The following SPG7 variants were observed in gnomAD, a reference collection of about 807,000 sequenced individuals.
SPG7 encodes the protein mitochondrial inner membrane m-AAA protease component paraplegin.
In SPG7, 103 loss-of-function variants were observed where a neutral mutation model predicts 81.9. That is an observed-to-expected ratio of 1.26 (90% CI 1.07 to 1.48). The LOEUF (loss-of-function observed/expected upper bound fraction) is 1.48, where lower values mean the gene tolerates loss of function less well. Ranked by LOEUF, SPG7 falls within the 40% of genes most tolerant of loss-of-function variation. SPG7 has a pLI of 0.00. For synonymous variants in SPG7, 534 were observed against 444.2 expected (o/e 1.20, Z -2.54); for missense variants, 1,241 against 1,087.3 (o/e 1.14, Z -1.99).
chr16:89,526,341 A>G lies in SPG7; in HGVS notation c.631A>G (p.Met211Val), dbSNP rs1378526561. The G allele has an allele frequency of 6.2e-7, 1 of 1,613,948 alleles. No individual in the cohort carries two copies. The highest frequency in any genetic ancestry group is 8.5e-7 in the Non-Finnish European group (1 of 1,180,010). Residue 211 changes from methionine to valine, a missense_variant, in exon 5 of 17, where the codon ATG (methionine) becomes GTG (valine). Transcript: ENST00000645818. ...VVFGRPRLAL[M>V]YRMQVANIDK... The stretch of plus-strand genomic sequence containing the variant: ...TTCTGCCCCCCAGCGGCTAGCCTTG[A>G]TGTACCGAATGCAGGTTGCAAATAT...
Position 89,524,088 on chromosome 16 carries a change from C to T in SPG7, c.459C>T (p.Ser153=). ...RTLLVIAVVM[S]LLNALSTSGG... is the part of the protein sequence containing the mutation. ...TGCTGGTCATCGCGGTTGTCATGAG[C>T]CTCCTGAATGCTCTCAGCACCAGCG... Residue 153 remains serine, a synonymous_variant, in exon 4 of 17, where the codon AGC becomes AGT. Coordinates refer to ENST00000645818, the MANE Select transcript of SPG7 (RefSeq NM_003119.4). 2 of 1,614,006 alleles carry T rather than the reference C, an allele frequency of 1.2e-6. No homozygotes were observed. The highest frequency in any genetic ancestry group is 1.7e-6 in the Non-Finnish European group (2 of 1,180,026).
At chr16:89,511,128 G>A (rs1027816714) in intron 2 of SPG7, among the ~76,000 whole-genome samples, 11 of 152,148 alleles carry the variant, frequency 7.2e-5, no homozygotes, top group Non-Finnish European at 8.8e-5. Flanking sequence ...ATGAGCCACC[G>A]CATCTGGCCA....
chr16:89,526,261 C>G, intron 4 of SPG7, 68 bp from the exon 5 acceptor site: 1 of 1,593,682 alleles, frequency 6.3e-7, no homozygotes, highest in Non-Finnish European at 8.6e-7. Flanking sequence ...GGCGGGCTCT[C>G]TGTTGACTGT....
chr16:89,514,925 T>C (rs1042650533), intron 3 of SPG7, among the ~76,000 whole-genome samples: 1 of 147,552 alleles, frequency 6.8e-6, no homozygotes, highest in Admixed American at 6.9e-5. Flanking sequence ...CCACCGTGCC[T>C]GGCCTTGACC....
chr16:89,545,449 C>T (rs868376105), intron 10 of SPG7: 4 of 185,522 alleles, frequency 2.2e-5, no homozygotes, highest in Admixed American at 5.5e-5. Context: ...GGCTCTCAGC[C>T]GGTGCTCAGT....
At chr16:89,544,624 C>G in intron 9 of SPG7, 24 bp from the exon 10 acceptor site, 2 of 1,613,696 alleles carry the variant, frequency 1.2e-6, no homozygotes, top group Non-Finnish European at 1.7e-6. Flanking sequence ...ACCCTCAGAG[C>G]CACTGTCTGC....
intron 3 of SPG7, chr16:89,519,885 G>A (rs1174894825): frequency 3.3e-5 from 5 of 152,236 alleles, no homozygotes; most frequent in Admixed American, 3.3e-4. Flanking sequence ...TTGAGACTCA[G>A]TGGTATCAGC....
At chr16:89,536,094 G>C (rs371752917) in intron 9 of SPG7, among the ~76,000 whole-genome samples, 1 of 138,768 alleles carries the variant, frequency 7.2e-6, no homozygotes, top group Non-Finnish European at 1.5e-5. Flanking sequence ...GTGGCCTTCA[G>C]TGTGGCCGCT....
intron 12 of SPG7, chr16:89,549,485 C>G (rs547345015): frequency 7.8e-5 from 27 of 344,706 alleles, no homozygotes; most frequent in Non-Finnish European, 1.2e-4. Flanking sequence ...ACAGCAAGAC[C>G]CCATCTCTTA....
chr16:89,526,556 T>C (rs2058262874), intron 5 of SPG7, 88 bp downstream of exon 5: 1 of 1,480,342 alleles, frequency 6.8e-7, no homozygotes, highest in East Asian at 2.3e-5. Flanking sequence ...AATCTCAAAC[T>C]GTCTTTGCCT....
chr16:89,547,212 C>G (rs1034930391), intron 11 of SPG7: 1 of 208,688 alleles, frequency 4.8e-6, no homozygotes, highest in Non-Finnish European at 9.9e-6. Flanking sequence ...GTCAACAAAC[C>G]TCCCTTTTAT....
At chr16:89,544,802 T>C in intron 10 of SPG7, 30 bp downstream of exon 10, 1 of 1,613,116 alleles carries the variant, frequency 6.2e-7, no homozygotes, top group South Asian at 1.1e-5. Context: ...CCTCTCCCAC[T>C]CCACCTGGGC....
chr16:89,554,787 C>G, intron 16 of SPG7: 1 of 552,214 alleles, frequency 1.8e-6, no homozygotes, highest in South Asian at 2.1e-5. Flanking sequence ...CTGCCACAGT[C>G]TCCTGTGCCT....
Position 89,508,738 on chromosome 16 carries a change from G to A in SPG7, c.183+138G>A, listed in dbSNP as rs1464056934. ...CTGTGGGCCCGCGGATCCCCCAGCT[G>A]TGGACCTCGGCGCGGAGCGACTGTT... On this transcript the variant is annotated intron_variant, in intron 1 of 16. Transcript: ENST00000645818. The A allele has an allele frequency of 5.2e-6, 5 of 955,832 alleles. No individual in the cohort carries two copies. The East Asian group carries it at 7.9e-5, about 15-fold the overall frequency. 59.2% of individuals were successfully genotyped at this position (955,832 alleles called of 1,614,324 possible).
At chr16:89,547,093 C>T (rs1241794854) in intron 11 of SPG7, 18 of 348,688 alleles carry the variant, frequency 5.2e-5, no homozygotes, top group Non-Finnish European at 8.3e-5. Context: ...CACGCAGTCC[C>T]GGCAAAGCCG....
intron 12 of SPG7, chr16:89,549,066 G>A (rs1427568084): frequency 4.4e-6 from 2 of 456,144 alleles, no homozygotes; most frequent in Non-Finnish European, 8.8e-6. Flanking sequence ...AACACACCTG[G>A]CTTCTCTCCG....
chr16:89,543,928 T>G (rs1451183464), intron 9 of SPG7: 2 of 153,852 alleles, frequency 1.3e-5, no homozygotes, highest in Non-Finnish European at 2.9e-5. Context: ...ACTACAGGCG[T>G]GAGCCACTGC....
Position 89,513,398 on chromosome 16 carries a change from C to A in SPG7, c.376+361C>A, listed in dbSNP as rs138200577. Reference sequence around the variant, plus strand: ...GGGCGTGATGGCACACGCCTGTAATCCCAGCTACTCGGGAGGCTGAGGCAG... The same window carrying A: ...GGGCGTGATGGCACACGCCTGTAATACCAGCTACTCGGGAGGCTGAGGCAG... On this transcript the variant is annotated intron_variant, in intron 3 of 16. Coordinates refer to ENST00000645818, the MANE Select transcript of SPG7 (RefSeq NM_003119.4). Among the ~76,000 whole-genome samples the A allele has an allele frequency of 4.7e-3, 712 of 152,236 alleles. 4 individuals are homozygous for A. The highest frequency in any genetic ancestry group is 0.016 in the African/African-American group (676 of 41,546).
chr16:89,546,280 T>A (rs905696708), intron 10 of SPG7: 1 of 290,640 alleles, frequency 3.4e-6, no homozygotes, highest in Non-Finnish European at 6.8e-6. Context: ...GGGATGGGGT[T>A]TCACCGTGTT....
Sources: gnomAD v4.1 joint callset for allele counts (sites outside exome capture counted in the v4.1 genomes callset) on GRCh38, gnomAD v4.1.1 for gene constraint, MANE v1.5 for transcripts, NCBI Gene and HGNC (gene_info 2026-07-23, HGNC 2026-07-21) for gene names.